Variants in POU6F2 observed in about 807,000 individuals in gnomAD.
POU6F2 encodes the protein POU domain, class 6, transcription factor 2.
POU6F2 carries 31 observed loss-of-function variants against 71.3 expected under a neutral mutation model. The observed-to-expected ratio is 0.43, with a 90% CI of 0.33 to 0.59. The LOEUF (loss-of-function observed/expected upper bound fraction) is 0.59, where lower values mean the gene tolerates loss of function less well. Ranked by LOEUF, POU6F2 falls within the 20% of genes least tolerant of loss-of-function variation. The pLI is 0.04. For synonymous variants in POU6F2, 347 were observed against 355.7 expected (o/e 0.98, Z 0.27); for missense variants, 783 against 856.8 (o/e 0.91, Z 1.07).
In POU6F2 at chr7:39,031,752, A is replaced by G. The variant is rs571454865; in HGVS notation, c.105+53694A>G. On this transcript the variant is annotated intron_variant, in intron 1 of 9. Transcript: ENST00000518318. The stretch of plus-strand genomic sequence containing the variant: ...AAAAATTTGCCAGGCATGGTGGTGC[A>G]CATCTGTAGTCCCAGCTACTTGGGA... Among the ~76,000 whole-genome samples, 59 of 152,186 alleles carry G rather than the reference A, an allele frequency of 3.9e-4. 1 individual carries two copies. In the Middle Eastern group the frequency reaches 0.01, roughly 26 times the overall value.
In POU6F2 at chr7:39,304,857, G is replaced by A. The variant is rs186705539; in HGVS notation, c.599-34785G>A. On this transcript the variant is annotated intron_variant, in intron 4 of 9. Coordinates refer to ENST00000518318, the MANE Select transcript of POU6F2 (RefSeq NM_001370959.1). Reference sequence around the variant, plus strand: ...AGCCTAAGGCTAAAAGTCCCTGAGCGATGATTAACCATAGCCACCAGAGTG... The same window carrying A: ...AGCCTAAGGCTAAAAGTCCCTGAGCAATGATTAACCATAGCCACCAGAGTG... Among the ~76,000 whole-genome samples the A allele has an allele frequency of 2.6e-3, 390 of 152,308 alleles. 3 individuals carry two copies. The highest frequency in any genetic ancestry group is 2.4e-3 in the Non-Finnish European group (164 of 68,024).
At chr7:39,344,815 G>A (rs150566424) in intron 5 of POU6F2, among the ~76,000 whole-genome samples, 17 of 152,262 alleles carry the variant, frequency 1.1e-4, no homozygotes, top group African/African-American at 4.1e-4. Flanking sequence ...CTAAAACTGT[G>A]TAGAGTTGGG....
At chr7:39,209,067 G>A (rs1794088352) in intron 4 of POU6F2, among the ~76,000 whole-genome samples, 1 of 151,906 alleles carries the variant, frequency 6.6e-6, no homozygotes, top group Non-Finnish European at 1.5e-5. Context: ...AAAAAAAGTA[G>A]GCTTGTTATT....
intron 1 of POU6F2, among the ~76,000 whole-genome samples, chr7:39,025,246 G>C (rs1445886203): frequency 6.6e-6 from 1 of 152,100 alleles, no homozygotes; most frequent in African/African-American, 2.4e-5. Flanking sequence ...GAGTGTATGT[G>C]TCAGGGAATT....
intron 1 of POU6F2, among the ~76,000 whole-genome samples, chr7:38,980,029 A>G (rs1204210311): frequency 6.6e-6 from 1 of 152,182 alleles, no homozygotes; most frequent in Non-Finnish European, 1.5e-5. Context: ...ATTTGTCAGG[A>G]TTTAAAATTA....
chr7:39,085,667 G>C, intron 1 of POU6F2, 193 bp from the exon 2 acceptor site: 1 of 583,174 alleles, frequency 1.7e-6, no homozygotes, highest in Non-Finnish European at 3.0e-6. Flanking sequence ...GAACTCATCG[G>C]ATCTGTAATA....
intron 1 of POU6F2, among the ~76,000 whole-genome samples, chr7:39,015,830 G>GAT (rs369581413): frequency 7.7e-4 from 50 of 64,540 alleles, no homozygotes; most frequent in African/African-American, 2.8e-3. Context: ...ATTATATATA[G>GAT]ATATATAATA....
At position 39,006,796 on chromosome 7, in the gene POU6F2, T is replaced by C. The variant is rs1445685840; in HGVS notation, c.105+28738T>C. 3 of 1,586,272 alleles carry C rather than the reference T, an allele frequency of 1.9e-6. No homozygotes were observed. The African/African-American group carries it at 4.0e-5, about 21-fold the overall frequency. ...GGGTTGTGTTACCCTGTTTGCTGTT[T>C]ACTGTCAAGATGCTGAAAGAATGTT... is the stretch of plus-strand genomic sequence containing the variant. On this transcript the variant is annotated intron_variant, in intron 1 of 9. Transcript: ENST00000518318.
intron 2 of POU6F2, among the ~76,000 whole-genome samples, chr7:39,123,163 T>C (rs1461316016): frequency 2.6e-5 from 4 of 152,234 alleles, no homozygotes. Flanking sequence ...TTGACAAATA[T>C]AGTAGGTCCT....
intron 4 of POU6F2, among the ~76,000 whole-genome samples, chr7:39,266,927 T>C (rs1784257606): frequency 6.6e-6 from 1 of 152,136 alleles, no homozygotes; most frequent in South Asian, 2.1e-4. Context: ...TACTGGGCAA[T>C]AGAACACCAG....
At chr7:39,011,913 C>T (rs1045928327) in intron 1 of POU6F2, among the ~76,000 whole-genome samples, 64 of 151,870 alleles carry the variant, frequency 4.2e-4, no homozygotes, top group Non-Finnish European at 8.4e-4. Flanking sequence ...TGATGGGCTT[C>T]CCTTTGAGGG....
intron 5 of POU6F2, among the ~76,000 whole-genome samples, chr7:39,394,399 C>G (rs1562813857): frequency 6.6e-6 from 1 of 152,142 alleles, no homozygotes; most frequent in Non-Finnish European, 1.5e-5. Context: ...GGCTGCAAAG[C>G]TGTTAAAGCT....
At chr7:39,338,800 T>C (rs1028162076) in intron 4 of POU6F2, among the ~76,000 whole-genome samples, 2 of 152,338 alleles carry the variant, frequency 1.3e-5, no homozygotes, top group East Asian at 1.9e-4. Flanking sequence ...CAGTGCTACA[T>C]GGGCATGTGA....
At chr7:39,065,910 A>T (rs1244967787) in intron 1 of POU6F2, among the ~76,000 whole-genome samples, 1 of 151,782 alleles carries the variant, frequency 6.6e-6, no homozygotes, top group Non-Finnish European at 1.5e-5. Flanking sequence ...TATTCCAGAG[A>T]TAAAAAAATA....
chr7:39,404,359 A>G (rs529085525), intron 5 of POU6F2, among the ~76,000 whole-genome samples: 103 of 152,234 alleles, frequency 6.8e-4, no homozygotes, highest in Non-Finnish European at 1.3e-3. Context: ...GAAATTCTCA[A>G]TCTATGCTAT....
intron 2 of POU6F2, among the ~76,000 whole-genome samples, chr7:39,184,933 A>G (rs147753416): frequency 4.0e-4 from 61 of 152,330 alleles, no homozygotes; most frequent in African/African-American, 1.3e-3. Context: ...TAGATATACA[A>G]GCAAGAAAAA....
chr7:39,260,336 ACACT>A (rs1226381165), intron 4 of POU6F2, among the ~76,000 whole-genome samples: 1 of 149,636 alleles, frequency 6.7e-6, no homozygotes, highest in Non-Finnish European at 1.5e-5. Flanking sequence ...CACACACCAC[ACACT>A]CTATACACAT....
At chr7:39,119,300 G>T (rs891499259) in intron 2 of POU6F2, among the ~76,000 whole-genome samples, 3 of 152,110 alleles carry the variant, frequency 2.0e-5, no homozygotes, top group Non-Finnish European at 4.4e-5. Context: ...AAGAAATAAT[G>T]ATTTACAGAT....
intron 1 of POU6F2, among the ~76,000 whole-genome samples, chr7:39,074,252 G>A (rs1158088148): frequency 6.6e-6 from 1 of 152,260 alleles, no homozygotes; most frequent in African/African-American, 2.4e-5. Flanking sequence ...GCGAGGCTGA[G>A]GCGGGTGGAT....
Sources: gnomAD v4.1 joint callset for allele counts (sites outside exome capture counted in the v4.1 genomes callset) on GRCh38, gnomAD v4.1.1 for gene constraint, MANE v1.5 for transcripts, NCBI Gene and HGNC (gene_info 2026-07-23, HGNC 2026-07-21) for gene names.